NPAS2: variants seen among roughly 807,000 people sequenced by gnomAD.
NPAS2 encodes neuronal PAS domain protein 2.
NPAS2 carries 23 observed loss-of-function variants against 107.5 expected under a neutral mutation model. The observed-to-expected ratio is 0.21, with a 90% confidence interval of 0.15 to 0.30. The LOEUF (loss-of-function observed/expected upper bound fraction) is 0.30. NPAS2 is among the 10% of genes least tolerant of loss of function. The pLI, the probability that NPAS2 is intolerant of heterozygous loss-of-function variation, is 1.00. For synonymous variants in NPAS2, 403 were observed against 417.5 expected (o/e 0.97, Z 0.42); for missense variants, 756 against 1,043.3 (o/e 0.72, Z 3.79).
At chr2:100,888,607 A>T (rs1680858516) in intron 1 of NPAS2, among the ~76,000 whole-genome samples, 2 of 152,126 alleles carry the variant, frequency 1.3e-5, no homozygotes, top group Admixed American at 1.3e-4. Context: ...TGAACATAGG[A>T]TAGTATCTGT....
chr2:100,850,145 A>G (rs1429235641), intron 1 of NPAS2, among the ~76,000 whole-genome samples: 1 of 152,166 alleles, frequency 6.6e-6, no homozygotes, highest in East Asian at 1.9e-4. Flanking sequence ...AAACTCATAT[A>G]CTTCATAAAA....
intron 15 of NPAS2, among the ~76,000 whole-genome samples, chr2:100,978,305 TC>T (rs1173375604): frequency 2.6e-5 from 4 of 152,208 alleles, no homozygotes; most frequent in Non-Finnish European, 5.9e-5. Context: ...GACCTCCAGC[TC>T]CATCCAAGTT....
intron 1 of NPAS2, among the ~76,000 whole-genome samples, chr2:100,859,952 A>G (rs1176961663): frequency 6.6e-6 from 1 of 152,214 alleles, no homozygotes; most frequent in African/African-American, 2.4e-5. Context: ...AGTTGCAGAT[A>G]TGAGGCTTAA....
rs572664585 is a variant in NPAS2 at position 100,820,993 on chromosome 2, C to A, written c.-23+579C>A. On this transcript the variant is annotated intron_variant, in intron 1 of 20. Transcript: ENST00000335681. This position sits in a 1 kb window ranked among gnomAD's most constrained non-coding sequence, Gnocchi z 5.6. Reference sequence around the variant, plus strand: ...GCCTGGCTCCTCACGTCGCTGCCGCCCCCCCACCCCAACTCCGGAGCTCCC... The same window carrying A: ...GCCTGGCTCCTCACGTCGCTGCCGCACCCCCACCCCAACTCCGGAGCTCCC... 7.8e-6 allele frequency: 10 copies of A among 1,274,950 alleles called. No individual in the cohort carries two copies. The highest frequency in any genetic ancestry group is 5.9e-5 in the East Asian group (1 of 16,866). 79.0% of individuals were successfully genotyped at this position (1,274,950 alleles called of 1,614,324 possible).
intron 1 of NPAS2, among the ~76,000 whole-genome samples, chr2:100,860,355 A>G (rs753586458): frequency 1.8e-4 from 27 of 152,214 alleles, no homozygotes; most frequent in Non-Finnish European, 3.4e-4. Flanking sequence ...GATTAGTCCC[A>G]TGACTGGTGA....
chr2:100,992,464 G>A (rs1678191385), intron 19 of NPAS2, among the ~76,000 whole-genome samples: 1 of 152,220 alleles, frequency 6.6e-6, no homozygotes, highest in Non-Finnish European at 1.5e-5. Context: ...CTGGTGGGAG[G>A]TGATTGATCA....
intron 11 of NPAS2, chr2:100,970,776 T>C (rs1558923972): frequency 2.3e-6 from 1 of 427,772 alleles, no homozygotes; most frequent in East Asian, 3.6e-5. Flanking sequence ...AAAAAGATTT[T>C]GAATGTAATA....
intron 19 of NPAS2, among the ~76,000 whole-genome samples, chr2:100,992,384 T>C (rs1678186680): frequency 6.6e-6 from 1 of 152,222 alleles, no homozygotes; most frequent in South Asian, 2.1e-4. Flanking sequence ...AGCCACTGTG[T>C]TAAATGTCGG....
chr2:100,924,149 T>C (rs1413488948), intron 2 of NPAS2, among the ~76,000 whole-genome samples: 1 of 152,052 alleles, frequency 6.6e-6, no homozygotes, highest in African/African-American at 2.4e-5. Flanking sequence ...CGTTCCCATA[T>C]CCCCCTGAGC....
At chr2:100,936,212 A>G (rs996591042) in intron 4 of NPAS2, among the ~76,000 whole-genome samples, 1 of 152,210 alleles carries the variant, frequency 6.6e-6, no homozygotes, top group Non-Finnish European at 1.5e-5. Context: ...GGTGCCCTTC[A>G]TGCACTGCTC....
At chr2:100,991,371 C>G (rs1573815306) in intron 19 of NPAS2, among the ~76,000 whole-genome samples, 1 of 152,368 alleles carries the variant, frequency 6.6e-6, no homozygotes, top group Non-Finnish European at 1.5e-5. Flanking sequence ...TACTTAATTA[C>G]TAGGGACAAC....
intron 1 of NPAS2, among the ~76,000 whole-genome samples, chr2:100,875,013 C>A (rs1353482148): frequency 6.6e-6 from 1 of 152,126 alleles, no homozygotes. Context: ...CCAAGACATA[C>A]AACAGGTTGA....
At chr2:100,979,502 ATTTTTTTTTTTT>A (rs757799235) in intron 15 of NPAS2, among the ~76,000 whole-genome samples, 1 of 43,334 alleles carries the variant, frequency 2.3e-5, no homozygotes, top group South Asian at 8.5e-4. Flanking sequence ...ATATATATAT[ATTTTTTTTTTTT>A]TTTTTTTTTT....
intron 5 of NPAS2, among the ~76,000 whole-genome samples, chr2:100,943,746 G>C (rs937646144): frequency 6.6e-6 from 1 of 152,216 alleles, no homozygotes; most frequent in Non-Finnish European, 1.5e-5. Context: ...AGCAGAAACT[G>C]TACCTGTCCC....
At chr2:100,848,964 C>T (rs1018900639) in intron 1 of NPAS2, among the ~76,000 whole-genome samples, 1 of 152,248 alleles carries the variant, frequency 6.6e-6, no homozygotes, top group Non-Finnish European at 1.5e-5. Flanking sequence ...GGAGGACAGC[C>T]AGCACACGGG....
At chr2:100,825,113 T>C (rs1482032017) in intron 1 of NPAS2, among the ~76,000 whole-genome samples, 1 of 152,110 alleles carries the variant, frequency 6.6e-6, no homozygotes, top group Non-Finnish European at 1.5e-5. Flanking sequence ...CCACTGAAAA[T>C]CATCCAGGCT....
chr2:100,975,411 A>G (rs1224891281), intron 13 of NPAS2, 47 bp from the exon 14 acceptor site: 3 of 1,539,734 alleles, frequency 1.9e-6, no homozygotes, highest in Non-Finnish European at 2.7e-6. Flanking sequence ...GGATGAGTAC[A>G]TGCTAAGTAC....
chr2:100,956,947 TC>T (rs1226728095), intron 7 of NPAS2, among the ~76,000 whole-genome samples: 1 of 152,194 alleles, frequency 6.6e-6, no homozygotes, highest in Non-Finnish European at 1.5e-5. Flanking sequence ...ATGTCCAGGT[TC>T]CCCAGTGGAG....
intron 1 of NPAS2, 21 bp from the exon 2 acceptor site, chr2:100,904,710 AAT>A: frequency 5.5e-6 from 6 of 1,092,848 alleles, no homozygotes; most frequent in South Asian, 4.2e-5. Flanking sequence ...CATTCTTTTT[AAT>A]TTTTTTTTTT....
Sources: allele counts gnomAD v4.1 joint callset (sites outside exome capture counted in the v4.1 genomes callset), GRCh38; gene constraint gnomAD v4.1.1; non-coding constraint Gnocchi (gnomAD v3.1); transcripts MANE v1.5; gene names NCBI Gene and HGNC (gene_info 2026-07-23, HGNC 2026-07-21).